The following MTHFD1 variants were observed in gnomAD, a reference collection of about 807,000 sequenced individuals.
MTHFD1 encodes the protein methylenetetrahydrofolate dehydrogenase, cyclohydrolase and formyltetrahydrofolate synthetase 1.
MTHFD1 carries 44 observed loss-of-function variants against 110.3 expected under a neutral mutation model. The observed-to-expected ratio is 0.40, with a 90% CI of 0.31 to 0.51. MTHFD1 has a LOEUF of 0.51. MTHFD1 is among the 20% of genes least tolerant of loss of function. The pLI, the probability that MTHFD1 is intolerant of heterozygous loss-of-function variation, is 0.60. For synonymous variants in MTHFD1, 402 were observed against 428.8 expected (o/e 0.94, Z 0.77); for missense variants, 909 against 1,173.1 (o/e 0.77, Z 3.29).
At chr14:64,410,757 G>A (rs1280880609) in intron 2 of MTHFD1, among the ~76,000 whole-genome samples, 1 of 152,146 alleles carries the variant, frequency 6.6e-6, no homozygotes, top group African/African-American at 2.4e-5. Flanking sequence ...TCCATACTCT[G>A]TTTTTCTGGT....
intron 18 of MTHFD1, 78 bp from the exon 19 acceptor site, chr14:64,441,307 T>C (rs1178480085): frequency 3.6e-5 from 49 of 1,351,132 alleles, no homozygotes; most frequent in East Asian, 2.5e-4. Flanking sequence ...TGGGTAAGCC[T>C]AGAATGTCAA....
chr14:64,403,579 T>C (rs781630658), intron 2 of MTHFD1, among the ~76,000 whole-genome samples: 9 of 121,532 alleles, frequency 7.4e-5, no homozygotes, highest in Non-Finnish European at 1.3e-4. Flanking sequence ...TAATTTTTTG[T>C]ATTTTTTTGT....
intron 4 of MTHFD1, among the ~76,000 whole-genome samples, chr14:64,412,999 G>A (rs374509002): frequency 2.0e-5 from 3 of 151,842 alleles, no homozygotes; most frequent in Admixed American, 6.6e-5. Context: ...TGAACATTTG[G>A]TACTCAAAGT....
At chr14:64,389,496 T>G (rs1555335435) in intron 1 of MTHFD1, among the ~76,000 whole-genome samples, 1 of 151,994 alleles carries the variant, frequency 6.6e-6, no homozygotes, top group Non-Finnish European at 1.5e-5. Context: ...TCACCTGAGG[T>G]CTGGAGTTCA....
chr14:64,414,346 C>A (rs2078008581), intron 4 of MTHFD1, among the ~76,000 whole-genome samples: 2 of 130,928 alleles, frequency 1.5e-5, no homozygotes, highest in African/African-American at 5.9e-5. Flanking sequence ...AGGCTGGATG[C>A]AGTGGCATGA....
chr14:64,454,215 C>T (rs536543628), intron 25 of MTHFD1, among the ~76,000 whole-genome samples: 4 of 152,160 alleles, frequency 2.6e-5, no homozygotes, highest in African/African-American at 7.2e-5. Context: ...TAGGCTCAAG[C>T]GATCCTCCCA....
At chr14:64,439,450 C>CT (rs1231085612) in intron 17 of MTHFD1, 2 of 490,344 alleles carry the variant, frequency 4.1e-6, no homozygotes, top group Admixed American at 3.3e-5. Context: ...AAAATTGCTT[C>CT]TTTTTTGTGG....
chr14:64,431,424 C>T, intron 13 of MTHFD1, 108 bp from the exon 14 acceptor site: 1 of 917,928 alleles, frequency 1.1e-6, no homozygotes, highest in Admixed American at 2.0e-5. Context: ...ACTGGGCTGC[C>T]TTCAGTATTC....
At chr14:64,418,561 A>C (rs528634930) in intron 7 of MTHFD1, among the ~76,000 whole-genome samples, 62 of 147,340 alleles carry the variant, frequency 4.2e-4, no homozygotes, top group African/African-American at 1.2e-3. Flanking sequence ...TTTTTTCTTT[A>C]TTTATTTTTT....
rs2077992631 is a variant in MTHFD1, at chr14:64,412,530, G to A, written c.240+5G>A. On this transcript the variant is annotated splice_donor_5th_base_variant and intron_variant, in intron 4 of 27. Coordinates refer to ENST00000652337, the MANE Select transcript of MTHFD1 (RefSeq NM_005956.4). Reference sequence around the variant, plus strand: ...AGAACAACCACAGAATCTGAGGTGAGCTTTTATGAGTTGATTGTGAAGAGG... The same window carrying A: ...AGAACAACCACAGAATCTGAGGTGAACTTTTATGAGTTGATTGTGAAGAGG... The A allele has an allele frequency of 6.2e-7, 1 of 1,610,478 alleles. No homozygotes were observed. The highest frequency in any genetic ancestry group is 8.5e-7 in the Non-Finnish European group (1 of 1,176,924).
At chr14:64,441,616 C>T in intron 19 of MTHFD1, 163 bp downstream of exon 19, 1 of 665,014 alleles carries the variant, frequency 1.5e-6, no homozygotes, top group Non-Finnish European at 2.7e-6. Context: ...ACCATCCTGG[C>T]TAACATGGTG....
chr14:64,412,043 T>C (rs8013633), intron 3 of MTHFD1, among the ~76,000 whole-genome samples: 98,938 of 152,012 alleles, frequency 0.65, 34,437 homozygotes, highest in Admixed American at 0.78. Flanking sequence ...GGATTTACAT[T>C]GCCATGGTGA....
At chr14:64,455,630 T>C (rs1444263802) in intron 26 of MTHFD1, among the ~76,000 whole-genome samples, 1 of 152,176 alleles carries the variant, frequency 6.6e-6, no homozygotes, top group African/African-American at 2.4e-5. Context: ...GACTGAAATA[T>C]TAAACTAAAT....
chr14:64,401,012 G>C (rs1192621256), intron 2 of MTHFD1, 135 bp downstream of exon 2: 3 of 708,174 alleles, frequency 4.2e-6, no homozygotes, highest in Non-Finnish European at 7.6e-6. Context: ...CTCTTGGCAG[G>C]CTCCCCCCTT....
chr14:64,430,302 C>G, intron 13 of MTHFD1, 72 bp downstream of exon 13: 1 of 1,358,300 alleles, frequency 7.4e-7, no homozygotes, highest in Non-Finnish European at 1.1e-6. Context: ...TGAATTAGCT[C>G]CCTTTTTTTC....
chr14:64,397,761 T>A (rs1329159560), intron 1 of MTHFD1, among the ~76,000 whole-genome samples: 1 of 152,258 alleles, frequency 6.6e-6, no homozygotes, highest in Non-Finnish European at 1.5e-5. Flanking sequence ...GTAAATTTCA[T>A]GCTGCCTCCT....
rs2140959182 is a variant in MTHFD1, at chr14:64,419,856, G to A, written c.658G>A (p.Glu220Lys). 6.2e-7 allele frequency: 1 copy of A among 1,614,146 alleles called. No individual in the cohort carries two copies. The highest frequency in any genetic ancestry group is 8.5e-7 in the Non-Finnish European group (1 of 1,180,008). ...CCTGGTGGTTGCAACTGGTCAGCCT[G>A]AAATGGTTAAAGGGGAGTGGATCAA... ...DILVVATGQP[E>K]MVKGEWIKPG... is the part of the protein sequence containing the mutation. Residue 220 changes from glutamate to lysine, a missense_variant, in exon 8 of 28, where the codon GAA becomes AAA. Around this residue, in one of 3 missense-constraint regions of MTHFD1, gnomAD observed 424 missense variants for 510.4 expected, o/e 0.83. Transcript: ENST00000652337.
intron 8 of MTHFD1, among the ~76,000 whole-genome samples, chr14:64,421,994 A>G (rs1252364021): frequency 6.6e-6 from 1 of 151,614 alleles, no homozygotes; most frequent in Admixed American, 6.6e-5. Context: ...TTTTTGGATT[A>G]CATGTGAGAA....
At position 64,433,473 on chromosome 14, in the gene MTHFD1, C is replaced by G. The variant is rs865898797; in HGVS notation, c.1494+1612C>G. On this transcript the variant is annotated intron_variant, in intron 15 of 27. Transcript: ENST00000652337. The stretch of plus-strand genomic sequence containing the variant: ...TACTCTGTCACCCAGGCTGGAGTGC[C>G]GTGGTGCAATCACATCTTACTACAG... Among the ~76,000 whole-genome samples, 3 of 151,970 alleles carry G rather than the reference C, an allele frequency of 2.0e-5. No individual in the cohort carries two copies. The South Asian group carries it at 6.2e-4, about 32-fold the overall frequency.
Sources: allele counts gnomAD v4.1 joint callset (sites outside exome capture counted in the v4.1 genomes callset), GRCh38; gene constraint gnomAD v4.1.1; regional missense constraint gnomAD v4.1.1; transcripts MANE v1.5; gene names NCBI Gene and HGNC (gene_info 2026-07-23, HGNC 2026-07-21).